Variants in SH3BGRL observed in about 807,000 individuals in gnomAD.
The protein encoded by SH3BGRL is SH3 domain binding glutamate rich protein like.
Under a neutral mutation model 9.8 loss-of-function variants are expected in SH3BGRL, and 7 were observed. That is an observed-to-expected ratio of 0.72 (90% CI 0.41 to 1.35). SH3BGRL has a LOEUF of 1.35. Ranked by LOEUF, SH3BGRL falls within the 40% of genes most tolerant of loss-of-function variation. The pLI is 0.01. For synonymous variants in SH3BGRL, 36 were observed against 29.1 expected, an observed-to-expected ratio of 1.24 and a Z score of -0.76; for missense variants, 73 against 84.4, an observed-to-expected ratio of 0.86 and a Z score of 0.53.
chrX:81,231,427 G>A (rs1042575726), intron 1 of SH3BGRL, among the ~76,000 whole-genome samples: 15 of 112,294 alleles, frequency 1.3e-4, no homozygotes, highest in African/African-American at 4.2e-4. Context: ...TAGCCTTTGA[G>A]GGTGTCATTA....
chrX:81,269,655 T>A (rs1037082378), intron 1 of SH3BGRL, among the ~76,000 whole-genome samples: 1 of 111,449 alleles, frequency 9.0e-6, no homozygotes, highest in Non-Finnish European at 1.9e-5. Context: ...TAACATTTTT[T>A]CCTTCATTTC....
intron 3 of SH3BGRL, among the ~76,000 whole-genome samples, chrX:81,286,528 A>AG (rs2075834966): frequency 3.3e-5 from 3 of 91,196 alleles, no homozygotes; most frequent in Non-Finnish European, 6.5e-5. Context: ...AAAAAAAGAG[A>AG]GGGGAAAAGC....
chrX:81,233,946 C>T (rs1278620523), intron 1 of SH3BGRL, among the ~76,000 whole-genome samples: 2 of 111,919 alleles, frequency 1.8e-5, no homozygotes, highest in East Asian at 2.8e-4. Context: ...ATACTTTCCT[C>T]ATTTGGCAGG....
chrX:81,269,849 T>C (rs777628544), intron 1 of SH3BGRL, among the ~76,000 whole-genome samples: 5 of 111,873 alleles, frequency 4.5e-5, no homozygotes, highest in Non-Finnish European at 7.5e-5. Flanking sequence ...CACTTTCAGG[T>C]ACACCAATCA....
At chrX:81,262,515 G>A (rs1217059733) in intron 1 of SH3BGRL, among the ~76,000 whole-genome samples, 2 of 111,600 alleles carry the variant, frequency 1.8e-5, no homozygotes, top group African/African-American at 3.3e-5. Context: ...AGAAAAGTCT[G>A]AGAAACTCTT....
At chrX:81,250,448 AG>A (rs1220230550) in intron 1 of SH3BGRL, among the ~76,000 whole-genome samples, 1 of 111,029 alleles carries the variant, frequency 9.0e-6, no homozygotes, top group Non-Finnish European at 1.9e-5. Flanking sequence ...AGAAAAAAAT[AG>A]TCTTAGCTAT....
At chrX:81,239,076 A>G (rs2075658986) in intron 1 of SH3BGRL, among the ~76,000 whole-genome samples, 1 of 112,108 alleles carries the variant, frequency 8.9e-6, no homozygotes, top group Non-Finnish European at 1.9e-5. Flanking sequence ...AAGCCCAAAC[A>G]TTGAAGATTA....
chrX:81,295,636 C>T (rs777216134), intron 3 of SH3BGRL, among the ~76,000 whole-genome samples: 14 of 111,579 alleles, frequency 1.3e-4, no homozygotes, highest in Non-Finnish European at 2.3e-4. Flanking sequence ...GACAAGCTTG[C>T]CCTAAACCAT....
At chrX:81,261,236 A>C (rs1034381295) in intron 1 of SH3BGRL, among the ~76,000 whole-genome samples, 20 of 111,536 alleles carry the variant, frequency 1.8e-4, no homozygotes, top group African/African-American at 6.5e-4. Flanking sequence ...AAATTTACTT[A>C]ACCTTTTTGA....
chrX:81,220,266 G>A (rs2075596250), intron 1 of SH3BGRL, among the ~76,000 whole-genome samples: 1 of 111,390 alleles, frequency 9.0e-6, no homozygotes, highest in Non-Finnish European at 1.9e-5. Context: ...TTTCTTTGCT[G>A]GAAGACTCTG....
At chrX:81,226,914 C>G (rs6622424) in intron 1 of SH3BGRL, among the ~76,000 whole-genome samples, 1 of 110,612 alleles carries the variant, frequency 9.0e-6, no homozygotes, top group Non-Finnish European at 1.9e-5. Flanking sequence ...CCTTTAGAAC[C>G]GTGTTGTTTC....
intron 1 of SH3BGRL, among the ~76,000 whole-genome samples, chrX:81,268,493 G>A (rs1372604720): frequency 9.0e-6 from 1 of 111,467 alleles, no homozygotes; most frequent in Non-Finnish European, 1.9e-5. Flanking sequence ...AGTCATTCAG[G>A]AGTAGGTTGT....
intron 1 of SH3BGRL, among the ~76,000 whole-genome samples, chrX:81,238,510 G>T (rs1389243081): frequency 1.8e-5 from 2 of 111,876 alleles, no homozygotes; most frequent in Non-Finnish European, 3.8e-5. Flanking sequence ...TAAGGTTTTT[G>T]ATTCTATTAT....
chrX:81,233,555 C>G (rs1325994079), intron 1 of SH3BGRL, among the ~76,000 whole-genome samples: 8 of 110,568 alleles, frequency 7.2e-5, no homozygotes, highest in Non-Finnish European at 1.5e-4. Context: ...GGATTTTACA[C>G]TGACATGACT....
At chrX:81,285,841 T>C (rs1265272447) in intron 3 of SH3BGRL, among the ~76,000 whole-genome samples, 3 of 111,969 alleles carry the variant, frequency 2.7e-5, no homozygotes, top group Admixed American at 9.5e-5. Context: ...AATATTCTAA[T>C]TACATTTAAA....
intron 1 of SH3BGRL, among the ~76,000 whole-genome samples, chrX:81,230,320 C>T (rs959429366): frequency 7.2e-5 from 8 of 111,650 alleles, no homozygotes; most frequent in Admixed American, 5.7e-4. Context: ...AAAATACAGA[C>T]GTTAAAGAAG....
chrX:81,213,783 A>C (rs1250339808), intron 1 of SH3BGRL, among the ~76,000 whole-genome samples: 2 of 112,267 alleles, frequency 1.8e-5, no homozygotes. Flanking sequence ...TTTTTAAATA[A>C]ATATTTTTTC....
chrX:81,275,813 C>T (rs867577354), intron 1 of SH3BGRL, among the ~76,000 whole-genome samples: 14 of 111,523 alleles, frequency 1.3e-4, no homozygotes, highest in Non-Finnish European at 2.6e-4. Context: ...ATTATTTTCC[C>T]GAGTTTATGT....
chrX:81,225,777 A>G (rs1336934992), intron 1 of SH3BGRL, among the ~76,000 whole-genome samples: 1 of 111,567 alleles, frequency 9.0e-6, no homozygotes, highest in African/African-American at 3.3e-5. Flanking sequence ...AATGTTAACC[A>G]ATATTATGGG....
Sources: gnomAD v4.1 joint callset for allele counts (sites outside exome capture counted in the v4.1 genomes callset) on GRCh38, gnomAD v4.1.1 for gene constraint, MANE v1.5 for transcripts, NCBI Gene and HGNC (gene_info 2026-07-23, HGNC 2026-07-21) for gene names.